The following RAP1GAP variants were observed in gnomAD, a reference collection of about 807,000 sequenced individuals.
The protein encoded by RAP1GAP is RAP1 GTPase activating protein.
Under a neutral mutation model 87.2 loss-of-function variants are expected in RAP1GAP, and 35 were observed. The ratio of observed to expected loss-of-function variants is 0.40; its 90% CI spans 0.31 to 0.53. RAP1GAP has a LOEUF of 0.53. Among genes scored for constraint, RAP1GAP ranks in the 20% least tolerant of loss-of-function variants. The pLI is 0.48. For synonymous variants in RAP1GAP, 375 were observed against 363.9 expected (o/e 1.03, Z -0.35); for missense variants, 734 against 898.9 (o/e 0.82, Z 2.35).
At chr1:21,650,902 C>T (rs1241110873) in intron 1 of RAP1GAP, among the ~76,000 whole-genome samples, 2 of 152,200 alleles carry the variant, frequency 1.3e-5, no homozygotes, top group African/African-American at 4.8e-5. Flanking sequence ...ACACAATCCC[C>T]ATAGCTCAGA....
intron 17 of RAP1GAP, among the ~76,000 whole-genome samples, chr1:21,606,819 A>G (rs903050406): frequency 6.6e-6 from 1 of 152,192 alleles, no homozygotes; most frequent in African/African-American, 2.4e-5. Flanking sequence ...TGAGCCCGGC[A>G]TGCCAGGACC....
In RAP1GAP at chr1:21,603,605, C is replaced by T. The variant is rs1278529026; in HGVS notation, c.1429-692G>A. 1 of 702,088 alleles carries T rather than the reference C, an allele frequency of 1.4e-6. No individual in the cohort carries two copies. The highest frequency in any genetic ancestry group is 2.6e-6 in the Non-Finnish European group (1 of 384,736). 43.5% of individuals were successfully genotyped at this position (702,088 alleles called of 1,614,324 possible). ...AGGGACTGGGCCAGGGTCCCAGGGG[C>T]CAAGGCAGGGCCAGAAGCCCCTGGT... On this transcript the variant is annotated intron_variant, in intron 18 of 24. Coordinates refer to ENST00000374765, the MANE Select transcript of RAP1GAP (RefSeq NM_002885.4). This position sits in a 1 kb window ranked among gnomAD's most constrained non-coding sequence, Gnocchi z 6.0.
chr1:21,637,133 ATTCTTTTTT>A, intron 2 of RAP1GAP, among the ~76,000 whole-genome samples: 1 of 148,558 alleles, frequency 6.7e-6, no homozygotes, highest in Non-Finnish European at 1.5e-5. Context: ...CACATTTGAA[ATTCTTTTTT>A]TTCTTTTTTT....
intron 2 of RAP1GAP, among the ~76,000 whole-genome samples, chr1:21,637,162 T>TTGG (rs1292974744): frequency 6.7e-6 from 1 of 150,226 alleles, no homozygotes; most frequent in African/African-American, 2.4e-5. Flanking sequence ...TTTTTTTTTT[T>TTGG]TGGTGGTGGT....
chr1:21,597,784 G>A (rs559887510), intron 23 of RAP1GAP, 56 bp from the exon 24 acceptor site: 27 of 1,593,954 alleles, frequency 1.7e-5, no homozygotes, highest in South Asian at 1.0e-4. Context: ...GCAACGGGGC[G>A]GGAGACACAG....
chr1:21,599,471 CCT>C (rs1209612833), intron 21 of RAP1GAP, 21 bp downstream of exon 21: 1 of 1,599,584 alleles, frequency 6.3e-7, no homozygotes, highest in Non-Finnish European at 8.5e-7. Context: ...CTGTGGGGCC[CCT>C]GACCCCCCTG....
chr1:21,613,202 G>T lies in RAP1GAP; in HGVS notation c.502C>A (p.Arg168=). The T allele has an allele frequency of 6.4e-7, 1 of 1,564,084 alleles. No individual in the cohort carries two copies. Among genetic ancestry groups the T allele is most frequent in the Non-Finnish European group, 8.8e-7 (1 of 1,134,578 alleles). ...KLVCEDVNVD[R]FYPVLYPKAS... Reference sequence around the variant, plus strand: ...TTGGGGTAGAGCACAGGATAGAACCGATCCACATTGACGTCTTCACACACC... The same window carrying T: ...TTGGGGTAGAGCACAGGATAGAACCTATCCACATTGACGTCTTCACACACC... The change falls in exon 10 of 25, where the codon CGG becomes AGG. Residue 168 remains arginine (R), a synonymous_variant. Coordinates refer to ENST00000374765, the MANE Select transcript of RAP1GAP (RefSeq NM_002885.4). This position sits in a 1 kb window ranked among gnomAD's most constrained non-coding sequence, Gnocchi z 4.7.
At chr1:21,635,643 C>T (rs2094558502) in intron 2 of RAP1GAP, among the ~76,000 whole-genome samples, 1 of 152,248 alleles carries the variant, frequency 6.6e-6, no homozygotes. Flanking sequence ...GCTGGGGTTG[C>T]TGCCTCATAG....
At position 21,613,332 on chromosome 1, in the gene RAP1GAP, G is replaced by A; in HGVS notation, c.475-103C>T. The A allele has an allele frequency of 3.6e-6, 4 of 1,098,944 alleles. No homozygotes were observed. The highest frequency in any genetic ancestry group is 1.5e-5 in the African/African-American group (1 of 64,882). The allele number at this position is 1,098,944 out of a possible 1,614,324, so 68.1% of individuals were successfully genotyped here. On this transcript the variant is annotated intron_variant, in intron 9 of 24. Transcript: ENST00000374765. This position sits in a 1 kb window ranked among gnomAD's most constrained non-coding sequence, Gnocchi z 4.7. Reference sequence around the variant, plus strand: ...CAAGGTCTGGGGAGGAGCCATGCTGGGAATGGCCAAGGCTAAAGCAGGACT... The same window carrying A: ...CAAGGTCTGGGGAGGAGCCATGCTGAGAATGGCCAAGGCTAAAGCAGGACT...
chr1:21,627,409 C>CTTTTTTT (rs755209828), intron 2 of RAP1GAP, among the ~76,000 whole-genome samples: 3 of 125,226 alleles, frequency 2.4e-5, no homozygotes, highest in Non-Finnish European at 5.1e-5. Context: ...CTCCCTTCTT[C>CTTTTTTT]TTTTTTTTTT....
At chr1:21,663,797 C>G (rs1015132021) in intron 1 of RAP1GAP, among the ~76,000 whole-genome samples, 2 of 152,196 alleles carry the variant, frequency 1.3e-5, no homozygotes, top group African/African-American at 4.8e-5. Flanking sequence ...TTGAGAAGGT[C>G]ACAGCCTCTG....
chr1:21,635,235 C>T (rs2094495772), intron 2 of RAP1GAP, among the ~76,000 whole-genome samples: 1 of 152,126 alleles, frequency 6.6e-6, no homozygotes, highest in Non-Finnish European at 1.5e-5. Flanking sequence ...GTATTACAGC[C>T]GCCTATGCTT....
chr1:21,608,684 C>T (rs1311817763), intron 16 of RAP1GAP, among the ~76,000 whole-genome samples, 166 bp downstream of exon 16: 6 of 151,902 alleles, frequency 3.9e-5, no homozygotes, highest in South Asian at 2.1e-4. Flanking sequence ...AGTATCCCTC[C>T]GGCTTCCTCT....
chr1:21,649,187 C>G (rs1208269469), intron 2 of RAP1GAP, among the ~76,000 whole-genome samples: 1 of 152,168 alleles, frequency 6.6e-6, no homozygotes, highest in Non-Finnish European at 1.5e-5. Flanking sequence ...TGAGAAGCTG[C>G]ACATACAGTT....
At position 21,602,801 on chromosome 1, in the gene RAP1GAP, C is replaced by T. The variant is rs369985500; in HGVS notation, c.1538+3G>A. 1.1e-5 allele frequency: 17 copies of T among 1,602,640 alleles called. No homozygotes were observed. The African/African-American group carries it at 2.0e-4, about 19-fold the overall frequency. On this transcript the variant is annotated splice_donor_region_variant and intron_variant, in intron 19 of 24. Coordinates refer to ENST00000374765, the MANE Select transcript of RAP1GAP (RefSeq NM_002885.4). Reference sequence around the variant, plus strand: ...AATGGGGCACTGTCCCCCACTCACCCACCTCTTCTCCTGCACCTCCTGTAT... The same window carrying T: ...AATGGGGCACTGTCCCCCACTCACCTACCTCTTCTCCTGCACCTCCTGTAT...
intron 17 of RAP1GAP, among the ~76,000 whole-genome samples, chr1:21,607,745 G>A (rs1246370462): frequency 6.6e-6 from 1 of 152,030 alleles, no homozygotes; most frequent in Non-Finnish European, 1.5e-5. Flanking sequence ...CACCTTACAT[G>A]CTGCTCCTTC....
intron 1 of RAP1GAP, among the ~76,000 whole-genome samples, chr1:21,657,551 G>C (rs2096914441): frequency 6.6e-6 from 1 of 152,202 alleles, no homozygotes; most frequent in Non-Finnish European, 1.5e-5. Context: ...GGATTGCAGA[G>C]TGGAGGCCAA....
rs773507088 is a variant in RAP1GAP at position 21,613,264 on chromosome 1, G to A, written c.475-35C>T. ...GAGATAAGGGAGGGGTGTGAGGTGT[G>A]GGGCCAGGGAGGAGAGGATGGGGCT... On this transcript the variant is annotated intron_variant, in intron 9 of 24. Transcript: ENST00000374765. The surrounding 1 kb of genome is among the most constrained non-coding windows in gnomAD (Gnocchi z 4.7). 1 of 1,524,266 alleles carries A rather than the reference G, an allele frequency of 6.6e-7. No homozygotes were observed. The allele number at this position is 1,524,266 out of a possible 1,614,324, so 94.4% of individuals were successfully genotyped here.
At chr1:21,661,938 G>A (rs1436772741) in intron 1 of RAP1GAP, among the ~76,000 whole-genome samples, 1 of 152,196 alleles carries the variant, frequency 6.6e-6, no homozygotes, top group Non-Finnish European at 1.5e-5. Context: ...GAAGTCTCTT[G>A]GAAACAGCTC....
Sources: gnomAD v4.1 joint callset for allele counts (sites outside exome capture counted in the v4.1 genomes callset) on GRCh38, gnomAD v4.1.1 for gene constraint, Gnocchi (gnomAD v3.1) non-coding constraint, MANE v1.5 for transcripts, NCBI Gene and HGNC (gene_info 2026-07-23, HGNC 2026-07-21) for gene names.